STUB1: variants seen among roughly 807,000 people sequenced by gnomAD.
STUB1 encodes E3 ubiquitin-protein ligase CHIP.
A neutral mutation model predicts 40.3 loss-of-function variants in STUB1; 37 were observed. That is an observed-to-expected ratio of 0.92 (90% CI 0.71 to 1.21). STUB1 has a LOEUF of 1.21. STUB1 is among the 50% of genes most tolerant of loss of function. The probability of loss-of-function intolerance (pLI) is 0.00; values close to 1 mark genes in which losing one functional copy is unlikely to be tolerated. For synonymous variants in STUB1, 246 were observed against 171.9 expected (o/e 1.43, Z -3.37); for missense variants, 460 against 421.9 (o/e 1.09, Z -0.79).
At chr16:681,755 C>A in intron 3 of STUB1, 38 bp from the exon 4 acceptor site, 1 of 1,567,536 alleles carries the variant, frequency 6.4e-7, no homozygotes, top group South Asian at 1.2e-5. Flanking sequence ...AGACATCTGG[C>A]CAGGTCCATC....
intron 5 of STUB1, 28 bp downstream of exon 5, chr16:682,104 G>A: frequency 6.3e-7 from 1 of 1,582,144 alleles, no homozygotes; most frequent in Non-Finnish European, 8.6e-7. Context: ...GCTGCCGATG[G>A]CTGGCAGGTG....
Position 680,966 on chromosome 16 carries a change from T to C in STUB1, c.160-186T>C. On this transcript the variant is annotated intron_variant, in intron 1 of 6. Transcript: ENST00000219548. The surrounding 1 kb of genome is among the most constrained non-coding windows in gnomAD (Gnocchi z 4.9). ...ATTTGGAAAACTTTACAAAACCAAG[T>C]GGAATCAAGCGGATAGGCTCAGCCA... 2.8e-6 allele frequency: 2 copies of C among 711,142 alleles called. No homozygotes were observed. The highest frequency in any genetic ancestry group is 2.8e-5 in the East Asian group (1 of 35,496). 44.1% of individuals were successfully genotyped at this position (711,142 alleles called of 1,614,324 possible). A position where few individuals can be genotyped will look rare whatever the true frequency, so the allele number is the denominator to read the frequency against.
chr16:681,087 C>T, intron 1 of STUB1, 65 bp from the exon 2 acceptor site: 2 of 1,470,460 alleles, frequency 1.4e-6, no homozygotes, highest in Non-Finnish European at 1.8e-6. Flanking sequence ...CTGGGACGGG[C>T]CGTGGGTCAG....
intron 3 of STUB1, 63 bp from the exon 4 acceptor site, chr16:681,730 G>A (rs1271278618): frequency 2.6e-6 from 4 of 1,554,036 alleles, no homozygotes; most frequent in African/African-American, 1.4e-5. Context: ...TTAGCTCTGA[G>A]ATTGGGGTGT....
At position 681,661 on chromosome 16, in the gene STUB1, G is replaced by A. The variant is rs910496320; in HGVS notation, c.524+58G>A. 1.1e-5 allele frequency: 17 copies of A among 1,569,052 alleles called. No homozygotes were observed. In the African/African-American group the frequency reaches 1.5e-4, roughly 14 times the overall value. On this transcript the variant is annotated intron_variant, in intron 3 of 6. Transcript: ENST00000219548. ...GGATAATTCTGAATCACCGACTCCCGACACAAGCGTTTATCGAAGGCTTTA... is the reference window on the plus strand; with the variant it reads ...GGATAATTCTGAATCACCGACTCCCAACACAAGCGTTTATCGAAGGCTTTA...
chr16:680,593 G>T lies in STUB1; in HGVS notation c.68G>T (p.Ser23Ile), dbSNP rs1311547564. ...LGAGGGSPEKSPSAQELKEQG... is the reference protein window; with the variant it reads ...LGAGGGSPEKIPSAQELKEQG... The stretch of plus-strand genomic sequence containing the variant: ...GCTGGCGGCGGAAGCCCCGAGAAGA[G>T]CCCGAGCGCGCAGGAGCTCAAGGAG... The change falls in exon 1 of 7, where the codon AGC (serine) becomes ATC (isoleucine). Residue 23 changes from serine (S) to isoleucine (I), a missense_variant. Coordinates refer to ENST00000219548, the MANE Select transcript of STUB1 (RefSeq NM_005861.4). The surrounding 1 kb of genome is among the most constrained non-coding windows in gnomAD (Gnocchi z 4.9). 10 of 1,405,764 alleles carry T rather than the reference G, an allele frequency of 7.1e-6. No homozygotes were observed. Among genetic ancestry groups the T allele is most frequent in the Non-Finnish European group, 9.3e-6 (10 of 1,069,988 alleles). 87.1% of individuals were successfully genotyped at this position (1,405,764 alleles called of 1,614,324 possible).
rs2039637211 is a variant in STUB1, at chr16:680,764, G to T, written c.159+80G>T. 1 of 1,132,232 alleles carries T rather than the reference G, an allele frequency of 8.8e-7. No homozygotes were observed. Among genetic ancestry groups the T allele is most frequent in the Non-Finnish European group, 1.1e-6 (1 of 910,472 alleles). 70.1% of individuals were successfully genotyped at this position (1,132,232 alleles called of 1,614,324 possible). On this transcript the variant is annotated intron_variant, in intron 1 of 6. Coordinates refer to ENST00000219548, the MANE Select transcript of STUB1 (RefSeq NM_005861.4). This position sits in a 1 kb window ranked among gnomAD's most constrained non-coding sequence, Gnocchi z 4.9. ...CCGGGCCCGGCCGGCCCCACCGAGG[G>T]TCTGGCTCCTCTTCGGGGCGTGTCC...
chr16:682,306 G>C (rs770918472), intron 6 of STUB1, 25 bp downstream of exon 6: 1 of 1,612,656 alleles, frequency 6.2e-7, no homozygotes, highest in South Asian at 1.1e-5. Context: ...TGGGGGAGCA[G>C]GGCCAGTGGC....
At chr16:681,383 C>T (rs1286304182) in intron 2 of STUB1, 33 bp downstream of exon 2, 2 of 1,611,450 alleles carry the variant, frequency 1.2e-6, no homozygotes, top group African/African-American at 2.7e-5. Context: ...TGTGGGGCCT[C>T]TGGGGCCAGG....
Position 681,802 on chromosome 16 carries a change from A to T in STUB1, c.534A>T (p.Glu178Asp), listed in dbSNP as rs2039666552. The T allele has an allele frequency of 6.3e-7, 1 of 1,599,804 alleles. No individual in the cohort carries two copies. The highest frequency in any genetic ancestry group is 1.7e-5 in the Admixed American group (1 of 59,516). Residue 178 changes from glutamate (E) to aspartate (D), a missense_variant, in exon 4 of 7, where the codon GAA (glutamate) becomes GAT (aspartate). Coordinates refer to ENST00000219548, the MANE Select transcript of STUB1 (RefSeq NM_005861.4). Reference protein sequence around the residue: ...LIAAERERELEECQRNHEGDE... With the variant: ...LIAAERERELDECQRNHEGDE... The stretch of plus-strand genomic sequence containing the variant: ...CCTGGTCAACCCCCAGGGAGCTGGA[A>T]GAGTGCCAGCGAAACCACGAGGGTG...
chr16:681,000 C>A lies in STUB1; in HGVS notation c.160-152C>A. Reference sequence around the variant, plus strand: ...GCGGATAGGCTCAGCCAGTACTCCACTGTGCACAGATCCTTGGACCCAGGG... The same window carrying A: ...GCGGATAGGCTCAGCCAGTACTCCAATGTGCACAGATCCTTGGACCCAGGG... On this transcript the variant is annotated intron_variant, in intron 1 of 6. Coordinates refer to ENST00000219548, the MANE Select transcript of STUB1 (RefSeq NM_005861.4). This position sits in a 1 kb window ranked among gnomAD's most constrained non-coding sequence, Gnocchi z 4.9. 1.3e-6 allele frequency: 1 copy of A among 796,234 alleles called. No homozygotes were observed. 49.3% of individuals were successfully genotyped at this position (796,234 alleles called of 1,614,324 possible).
rs2039672083 is a variant in STUB1 at position 681,874 on chromosome 16, C to G, written c.606C>G (p.Ala202=). The change falls in exon 4 of 7, where the codon GCC becomes GCG. Residue 202 remains alanine (A), a synonymous_variant. Coordinates refer to ENST00000219548, the MANE Select transcript of STUB1 (RefSeq NM_005861.4). ...GGGCCCAGCAGGCCTGCATTGAGGC[C>G]AAGCACGTGAGGGTGCCCCCCACCC... is the stretch of plus-strand genomic sequence containing the variant. ...HVRAQQACIE[A]KHDKYMADMD... The G allele has an allele frequency of 1.2e-6, 2 of 1,612,838 alleles. No individual in the cohort carries two copies. The highest frequency in any genetic ancestry group is 1.1e-5 in the South Asian group (1 of 91,090).
intron 3 of STUB1, 33 bp downstream of exon 3, chr16:681,636 G>C: frequency 1.9e-6 from 3 of 1,584,228 alleles, no homozygotes; most frequent in Non-Finnish European, 1.7e-6. Flanking sequence ...CCCTGTCTTG[G>C]GATAATTCTG....
At position 680,512 on chromosome 16, in the gene STUB1, T is replaced by C. The variant is rs760891543; in HGVS notation, c.-14T>C. 5.9e-5 allele frequency: 73 copies of C among 1,237,708 alleles called. No homozygotes were observed. The East Asian group carries it at 1.0e-3, about 17-fold the overall frequency. The allele number at this position is 1,237,708 out of a possible 1,614,324, so 76.7% of individuals were successfully genotyped here. ...GAGCTTGGGAGCGGAGCCCAGGCCG[T>C]GCCGCGCGGCGCCATGAAGGGCAAG... On this transcript the variant is annotated 5_prime_UTR_variant, in exon 1 of 7. Coordinates refer to ENST00000219548, the MANE Select transcript of STUB1 (RefSeq NM_005861.4). This position sits in a 1 kb window ranked among gnomAD's most constrained non-coding sequence, Gnocchi z 4.9.
At chr16:681,919 T>C (rs765221633) in intron 4 of STUB1, 39 bp downstream of exon 4, 16 of 1,612,530 alleles carry the variant, frequency 9.9e-6, no homozygotes, top group East Asian at 4.5e-5. Flanking sequence ...TCTGTGTGTG[T>C]GCACGTGGCG....
intron 6 of STUB1, 21 bp from the exon 7 acceptor site, chr16:682,343 C>CTGCCCTT (rs2039701774): frequency 1.9e-6 from 3 of 1,612,962 alleles, no homozygotes; most frequent in Admixed American, 1.7e-5. Flanking sequence ...TGACTGCCCT[C>CTGCCCTT]TGCCCTTCTT....
In STUB1 at chr16:682,794, C is replaced by G; in HGVS notation, c.*305C>G. 6.2e-7 allele frequency: 1 copy of G among 1,612,896 alleles called. No homozygotes were observed. Among genetic ancestry groups the G allele is most frequent in the Non-Finnish European group, 8.5e-7 (1 of 1,179,784 alleles). On this transcript the variant is annotated 3_prime_UTR_variant, in exon 7 of 7. Transcript: ENST00000219548. Reference sequence around the variant, plus strand: ...CCGGCAGTCCTGCCAGCTGTTTTGGCTAGCCGAGGAAGGTGGAGATGAAGA... The same window carrying G: ...CCGGCAGTCCTGCCAGCTGTTTTGGGTAGCCGAGGAAGGTGGAGATGAAGA...
rs2039630940 is a variant in STUB1, at chr16:680,448, T to C, written c.-78T>C. ...GCCCGAGCGGATCGCGGGCTCGGGC[T>C]GCGGGGCTCCGGCTGCGGGCGCTGG... On this transcript the variant is annotated 5_prime_UTR_variant, in exon 1 of 7. Transcript: ENST00000219548. The surrounding 1 kb of genome is among the most constrained non-coding windows in gnomAD (Gnocchi z 4.9). 3.5e-6 allele frequency: 4 copies of C among 1,144,508 alleles called. No individual in the cohort carries two copies. The highest frequency in any genetic ancestry group is 4.3e-6 in the Non-Finnish European group (4 of 928,964). 70.9% of individuals were successfully genotyped at this position (1,144,508 alleles called of 1,614,324 possible).
chr16:681,142 T>C lies in STUB1; in HGVS notation c.160-10T>C. On this transcript the variant is annotated splice_polypyrimidine_tract_variant and intron_variant, in intron 1 of 6. Transcript: ENST00000219548. ...CGCCCTCATGCGGCTGGCCCGGCCT[T>C]GGTCCCTAGACCCGGAACCCGCTGG... 6.4e-7 allele frequency: 1 copy of C among 1,550,394 alleles called. No homozygotes were observed.
Sources: allele counts gnomAD v4.1 joint callset, GRCh38; gene constraint gnomAD v4.1.1; non-coding constraint Gnocchi (gnomAD v3.1); transcripts MANE v1.5; gene names NCBI Gene and HGNC (gene_info 2026-07-23, HGNC 2026-07-21).